Variants in ATXN7 observed in about 807,000 individuals in gnomAD.
The protein encoded by ATXN7 is ataxin-7.
Under a neutral mutation model 70.5 loss-of-function variants are expected in ATXN7, and 12 were observed. The observed-to-expected ratio is 0.17, with a 90% confidence interval of 0.11 to 0.28. The LOEUF (loss-of-function observed/expected upper bound fraction) is 0.28, where lower values mean the gene tolerates loss of function less well. Among genes scored for constraint, ATXN7 ranks in the 10% least tolerant of loss-of-function variants. The pLI, the probability that ATXN7 is intolerant of heterozygous loss-of-function variation, is 1.00. For synonymous variants in ATXN7, 498 were observed against 448.7 expected, an observed-to-expected ratio of 1.11 and a Z score of -1.39; for missense variants, 1,256 against 1,131.7, an observed-to-expected ratio of 1.11 and a Z score of -1.58.
At chr3:63,915,125 G>A (rs1343288273) in intron 4 of ATXN7, among the ~76,000 whole-genome samples, 3 of 152,110 alleles carry the variant, frequency 2.0e-5, no homozygotes, top group African/African-American at 7.2e-5. Flanking sequence ...TTAGTAGAGA[G>A]GAGGTTTCAC....
At chr3:63,889,363 T>C (rs1203898849) in intron 1 of ATXN7, among the ~76,000 whole-genome samples, 3 of 152,216 alleles carry the variant, frequency 2.0e-5, no homozygotes, top group Non-Finnish European at 4.4e-5. Context: ...TTTTGGAACA[T>C]GATATTTAAA....
At chr3:63,985,809 A>T (rs1226120800) in intron 8 of ATXN7, among the ~76,000 whole-genome samples, 1 of 152,158 alleles carries the variant, frequency 6.6e-6, no homozygotes, top group Admixed American at 6.5e-5. Flanking sequence ...AGAACTTTTT[A>T]TTACGTACAT....
intron 10 of ATXN7, 118 bp from the exon 11 acceptor site, chr3:63,990,620 C>T (rs1237051851): frequency 2.0e-5 from 30 of 1,464,194 alleles, no homozygotes; most frequent in East Asian, 4.5e-5. Flanking sequence ...TCACAGCCTC[C>T]GGTACTCAGA....
chr3:63,996,761 C>T (rs925749312), intron 12 of ATXN7: 14 of 433,152 alleles, frequency 3.2e-5, no homozygotes, highest in Non-Finnish European at 4.9e-5. Flanking sequence ...CAGAAAGCAT[C>T]GGTTGTGACA....
At chr3:63,927,861 C>T (rs1301972772) in intron 4 of ATXN7, among the ~76,000 whole-genome samples, 3 of 152,078 alleles carry the variant, frequency 2.0e-5, no homozygotes, top group African/African-American at 7.2e-5. Flanking sequence ...AGCCCCATGT[C>T]TGGTGAGCTT....
At chr3:63,901,064 G>C (rs1310251178) in intron 2 of ATXN7, 3 of 152,204 alleles carry the variant, frequency 2.0e-5, no homozygotes, top group African/African-American at 4.8e-5. Context: ...GGTCACTGGG[G>C]ATAAATTAGT....
chr3:63,907,386 G>A (rs1703871728), intron 2 of ATXN7, among the ~76,000 whole-genome samples: 1 of 151,052 alleles, frequency 6.6e-6, no homozygotes, highest in African/African-American at 2.4e-5. Context: ...AGCTGACGCA[G>A]TACACTAGAA....
intron 5 of ATXN7, among the ~76,000 whole-genome samples, chr3:63,971,809 T>G (rs1438574217): frequency 6.6e-6 from 1 of 152,184 alleles, no homozygotes; most frequent in Non-Finnish European, 1.5e-5. Context: ...ATGGTCTAGA[T>G]ATTGTGCAGA....
At chr3:63,863,669 G>A (rs1702298773), upstream of ATXN7, 2 of 1,231,452 alleles carry the variant, frequency 1.6e-6, no homozygotes, top group African/African-American at 3.1e-5. Context: ...GAAGAGGCCG[G>A]GGAGGCCGAG....
chr3:63,980,062 C>T lies in ATXN7; in HGVS notation c.647C>T (p.Ser216Leu). The change falls in exon 6 of 13, where the codon TCA becomes TTA. Residue 216 changes from serine to leucine, a missense_variant. Transcript: ENST00000674280. The stretch of plus-strand genomic sequence containing the variant: ...AGTGGAGGTGTTCTTAGCGCATCCT[C>T]ATCAAGTTCCAAGTTGTTGAAATCA... ...SSSGGVLSAS[S>L]SSSKLLKSPK... 1.2e-6 allele frequency: 2 copies of T among 1,614,184 alleles called. No individual in the cohort carries two copies. The highest frequency in any genetic ancestry group is 1.7e-6 in the Non-Finnish European group (2 of 1,180,038).
intron 4 of ATXN7, among the ~76,000 whole-genome samples, chr3:63,915,685 T>G (rs1704233306): frequency 1.4e-5 from 2 of 146,804 alleles, no homozygotes; most frequent in Admixed American, 1.4e-4. Context: ...ACCCTTTATT[T>G]ATTTTTTTTT....
intron 2 of ATXN7, among the ~76,000 whole-genome samples, chr3:63,909,870 T>G (rs1703952584): frequency 6.6e-6 from 1 of 152,318 alleles, no homozygotes; most frequent in East Asian, 1.9e-4. Context: ...GGGATTGAGC[T>G]GAATTGCTCA....
chr3:63,934,915 TAGC>T (rs1190613135), intron 4 of ATXN7, among the ~76,000 whole-genome samples: 3 of 152,242 alleles, frequency 2.0e-5, no homozygotes, highest in Admixed American at 1.3e-4. Flanking sequence ...TGCTGTGTGT[TAGC>T]AGCCTCTCTG....
chr3:63,899,073 C>CT (rs940389663), intron 2 of ATXN7, among the ~76,000 whole-genome samples: 11 of 117,118 alleles, frequency 9.4e-5, no homozygotes, highest in African/African-American at 3.1e-4. Flanking sequence ...TTTTTTTTTT[C>CT]TTTTTTTGAG....
At position 63,956,407 on chromosome 3, in the gene ATXN7, C is replaced by T. The variant is rs1213604434; in HGVS notation, c.499+3924C>T. Among the ~76,000 whole-genome samples the T allele has an allele frequency of 2.8e-5, 3 of 105,716 alleles. No individual in the cohort carries two copies. The East Asian group carries it at 8.6e-4, about 30-fold the overall frequency. The allele number at this position is 105,716 out of a possible 152,430, so 69.4% of individuals were successfully genotyped here. ...CTGCACTGGAGCCTGGGTGACGGAG[C>T]GAGACTGCATCTCAAAAAAAAAAAA... On this transcript the variant is annotated intron_variant, in intron 5 of 12. Coordinates refer to ENST00000674280, the MANE Select transcript of ATXN7 (RefSeq NM_001377405.1).
intron 4 of ATXN7, among the ~76,000 whole-genome samples, chr3:63,935,224 G>A (rs1197700781): frequency 1.3e-5 from 2 of 152,074 alleles, no homozygotes; most frequent in African/African-American, 4.8e-5. Flanking sequence ...CACTTACGGC[G>A]ATTCCTGTGG....
At chr3:63,989,799 T>G (rs919628021) in intron 9 of ATXN7, among the ~76,000 whole-genome samples, 1 of 152,188 alleles carries the variant, frequency 6.6e-6, no homozygotes, top group Non-Finnish European at 1.5e-5. Flanking sequence ...GACAACTATG[T>G]TTCATTTATT....
intron 4 of ATXN7, among the ~76,000 whole-genome samples, chr3:63,951,385 G>A (rs2074951051): frequency 6.6e-6 from 1 of 152,166 alleles, no homozygotes; most frequent in Admixed American, 6.5e-5. Flanking sequence ...AGGAAAGAAA[G>A]TAGATGCTAA....
chr3:63,938,285 T>A (rs1254607349), intron 4 of ATXN7, among the ~76,000 whole-genome samples: 1 of 152,178 alleles, frequency 6.6e-6, no homozygotes, highest in African/African-American at 2.4e-5. Flanking sequence ...TGCCATTAGG[T>A]CTTCTAGTTT....
Sources: allele counts gnomAD v4.1 joint callset (sites outside exome capture counted in the v4.1 genomes callset), GRCh38; gene constraint gnomAD v4.1.1; transcripts MANE v1.5; gene names NCBI Gene and HGNC (gene_info 2026-07-23, HGNC 2026-07-21).